GLCCI1: variants seen among roughly 807,000 people sequenced by gnomAD.
GLCCI1 encodes the protein glucocorticoid induced 1.
GLCCI1 carries 24 observed loss-of-function variants against 52.2 expected under a neutral mutation model. The observed-to-expected ratio is 0.46, with a 90% CI of 0.33 to 0.65. The LOEUF (loss-of-function observed/expected upper bound fraction) is 0.65, where lower values mean the gene tolerates loss of function less well. Ranked by LOEUF, GLCCI1 falls within the 30% of genes least tolerant of loss-of-function variation. The pLI, the probability that GLCCI1 is intolerant of heterozygous loss-of-function variation, is 0.02. For missense variants in GLCCI1, 704 were observed against 701.5 expected (o/e 1.00, Z -0.04); for synonymous variants, 310 against 276.5 (o/e 1.12, Z -1.20).
chr7:7,990,949 G>A (rs1484160303), intron 1 of GLCCI1, among the ~76,000 whole-genome samples: 1 of 152,000 alleles, frequency 6.6e-6, no homozygotes, highest in Admixed American at 6.6e-5. Context: ...ACATTGTGGG[G>A]GTGGGGAGAA....
intron 6 of GLCCI1, among the ~76,000 whole-genome samples, chr7:8,080,671 C>G (rs1782975822): frequency 6.6e-6 from 1 of 151,488 alleles, no homozygotes; most frequent in South Asian, 2.1e-4. Flanking sequence ...TTCCTTTACT[C>G]TCTTCTGTCA....
chr7:8,034,160 A>C (rs1323693513), intron 3 of GLCCI1, among the ~76,000 whole-genome samples: 1 of 152,150 alleles, frequency 6.6e-6, no homozygotes, highest in African/African-American at 2.4e-5. Context: ...TGAAAAAGAC[A>C]GTCTTTTCAA....
intron 1 of GLCCI1, among the ~76,000 whole-genome samples, chr7:8,002,343 C>T (rs1781066599): frequency 6.6e-6 from 1 of 152,014 alleles, no homozygotes. Flanking sequence ...CTCTGTAATT[C>T]ATGAAACGTT....
rs1176018418 is a variant in GLCCI1 at position 8,088,063 on chromosome 7, A to G, written c.*1525A>G. On this transcript the variant is annotated 3_prime_UTR_variant, in exon 8 of 8. Transcript: ENST00000223145. ...ATCTGCGCCTAAAGTGTATGGCACA[A>G]TTTTCTTAAGAATTAGGGGAACCAG... 3 of 152,150 alleles carry G rather than the reference A, an allele frequency of 2.0e-5. No homozygotes were observed. Among genetic ancestry groups the G allele is most frequent in the Non-Finnish European group, 2.9e-5 (2 of 68,022 alleles). The allele number at this position is 152,150 out of a possible 1,614,324, so 9.4% of individuals were successfully genotyped here.
intron 3 of GLCCI1, among the ~76,000 whole-genome samples, chr7:8,034,102 A>G (rs1781814428): frequency 6.6e-6 from 1 of 152,176 alleles, no homozygotes; most frequent in Non-Finnish European, 1.5e-5. Flanking sequence ...ATAAACCCTT[A>G]TATTTGTGGT....
At chr7:7,975,451 C>A (rs956255872) in intron 1 of GLCCI1, among the ~76,000 whole-genome samples, 1 of 152,132 alleles carries the variant, frequency 6.6e-6, no homozygotes, top group South Asian at 2.1e-4. Context: ...GCAATGTATA[C>A]TTTGATTCAG....
At chr7:8,030,759 A>T (rs1781730552) in intron 3 of GLCCI1, among the ~76,000 whole-genome samples, 2 of 152,168 alleles carry the variant, frequency 1.3e-5, no homozygotes, top group Non-Finnish European at 2.9e-5. Flanking sequence ...GAAGACATAG[A>T]CGTGGAAAAC....
intron 1 of GLCCI1, chr7:7,981,670 C>T (rs1018288436): frequency 8.3e-6 from 2 of 242,170 alleles, no homozygotes; most frequent in Middle Eastern, 1.5e-3. Flanking sequence ...GGACAATATA[C>T]TTATAGATGA....
intron 3 of GLCCI1, among the ~76,000 whole-genome samples, chr7:8,034,373 A>T (rs181135447): frequency 3.2e-4 from 48 of 152,248 alleles, no homozygotes; most frequent in Non-Finnish European, 1.6e-4. Flanking sequence ...AGATAATTGG[A>T]TCTTCAATAA....
intron 3 of GLCCI1, among the ~76,000 whole-genome samples, chr7:8,033,164 T>TA (rs1223629031): frequency 6.6e-6 from 1 of 151,742 alleles, no homozygotes; most frequent in Non-Finnish European, 1.5e-5. Flanking sequence ...CATAATCACC[T>TA]AAGTAGAGTC....
intron 3 of GLCCI1, among the ~76,000 whole-genome samples, chr7:8,023,419 G>A (rs1429312664): frequency 6.6e-6 from 1 of 151,762 alleles, no homozygotes; most frequent in East Asian, 1.9e-4. Flanking sequence ...ATAACCTGAG[G>A]TGTCATATCT....
intron 3 of GLCCI1, among the ~76,000 whole-genome samples, chr7:8,043,663 C>G (rs1469552326): frequency 6.6e-6 from 1 of 152,074 alleles, no homozygotes; most frequent in Non-Finnish European, 1.5e-5. Context: ...TTGTATAAAT[C>G]TGCAAATTGA....
intron 1 of GLCCI1, among the ~76,000 whole-genome samples, chr7:7,972,421 T>C (rs949678588): frequency 6.6e-6 from 1 of 152,190 alleles, no homozygotes; most frequent in African/African-American, 2.4e-5. Context: ...GGGGTAGGTA[T>C]ATAGTATAAA....
intron 3 of GLCCI1, among the ~76,000 whole-genome samples, chr7:8,033,198 A>T (rs1562435603): frequency 6.6e-6 from 1 of 151,416 alleles, no homozygotes; most frequent in African/African-American, 2.4e-5. Context: ...GACAATATTC[A>T]ACAGTCATTC....
chr7:8,022,477 T>C lies in GLCCI1; in HGVS notation c.610-6T>C. The stretch of plus-strand genomic sequence containing the variant: ...CTTATTTTATTTATATATATATTTT[T>C]TAAAGACACCTAGCTGTTGGGCAGA... On this transcript the variant is annotated splice_region_variant and splice_polypyrimidine_tract_variant and intron_variant, in intron 2 of 7. Coordinates refer to ENST00000223145, the MANE Select transcript of GLCCI1 (RefSeq NM_138426.4). The C allele has an allele frequency of 6.6e-7, 1 of 1,505,498 alleles. No individual in the cohort carries two copies. The allele number at this position is 1,505,498 out of a possible 1,614,324, so 93.3% of individuals were successfully genotyped here.
At chr7:8,055,267 T>C (rs184150609) in intron 3 of GLCCI1, among the ~76,000 whole-genome samples, 166 bp from the exon 4 acceptor site, 18 of 152,362 alleles carry the variant, frequency 1.2e-4, no homozygotes, top group African/African-American at 4.3e-4. Flanking sequence ...ACTTCTCATT[T>C]TTAATAATCC....
intron 3 of GLCCI1, among the ~76,000 whole-genome samples, chr7:8,047,382 A>G (rs74333419): frequency 0.015 from 2,245 of 152,318 alleles, 53 homozygotes; most frequent in East Asian, 0.084. Context: ...TAACACAATA[A>G]TTTTAAATTA....
intron 3 of GLCCI1, among the ~76,000 whole-genome samples, chr7:8,025,339 C>CA (rs1167096402): frequency 1.3e-5 from 2 of 150,074 alleles, no homozygotes; most frequent in African/African-American, 2.4e-5. Flanking sequence ...GACTCCATCC[C>CA]AAAAAAAATA....
intron 1 of GLCCI1, among the ~76,000 whole-genome samples, chr7:8,002,839 G>T (rs571039114): frequency 3.1e-4 from 47 of 152,218 alleles, no homozygotes; most frequent in Non-Finnish European, 5.6e-4. Context: ...TTGGTGTTCA[G>T]TGTGATTAAT....
Sources: allele counts gnomAD v4.1 joint callset (sites outside exome capture counted in the v4.1 genomes callset), GRCh38; gene constraint gnomAD v4.1.1; transcripts MANE v1.5; gene names NCBI Gene and HGNC (gene_info 2026-07-23, HGNC 2026-07-21).